Variants in PDCD6IP observed in about 807,000 individuals in gnomAD.
The protein encoded by PDCD6IP is programmed cell death 6-interacting protein.
A neutral mutation model predicts 103.7 loss-of-function variants in PDCD6IP; 43 were observed. The ratio of observed to expected loss-of-function variants is 0.41; its 90% CI spans 0.32 to 0.53. The LOEUF (loss-of-function observed/expected upper bound fraction) is 0.53. Among genes scored for constraint, PDCD6IP ranks in the 20% least tolerant of loss-of-function variants. PDCD6IP has a pLI of 0.16. For missense variants in PDCD6IP, 871 were observed against 1,036.7 expected, an observed-to-expected ratio of 0.84 and a Z score of 2.20; for synonymous variants, 354 against 378.7, an observed-to-expected ratio of 0.93 and a Z score of 0.76.
rs763450348 is a variant in PDCD6IP at position 33,842,066 on chromosome 3, C to G, written c.1351C>G (p.Leu451Val). The G allele has an allele frequency of 6.2e-7, 1 of 1,607,336 alleles. No homozygotes were observed. Among genetic ancestry groups the G allele is most frequent in the East Asian group, 2.2e-5 (1 of 44,824 alleles). ...ATTACTGCAACGAAATAGAGAAATC[C>G]TAGATGAGGTATGTTTTATAAGATT... is the stretch of plus-strand genomic sequence containing the variant. ...PELLQRNREI[L>V]DESLRLLDEE... The change falls in exon 10 of 18, where the codon CTA becomes GTA. Residue 451 changes from leucine to valine, a missense_variant. This residue lies in a region of PDCD6IP where 266 missense variants were observed against 390.5 expected (regional missense o/e 0.68). Coordinates refer to ENST00000307296, the MANE Select transcript of PDCD6IP (RefSeq NM_013374.6).
chr3:33,799,923 A>T (rs1227224281), intron 1 of PDCD6IP, among the ~76,000 whole-genome samples: 2 of 151,962 alleles, frequency 1.3e-5, no homozygotes, highest in Non-Finnish European at 2.9e-5. Context: ...GATCGACACC[A>T]TCCTGGCTAG....
chr3:33,840,788 T>C (rs1280208017), intron 9 of PDCD6IP, among the ~76,000 whole-genome samples: 1 of 152,186 alleles, frequency 6.6e-6, no homozygotes, highest in African/African-American at 2.4e-5. Context: ...ACATTTTGCC[T>C]AGATGATGTG....
chr3:33,828,917 C>G lies in PDCD6IP; in HGVS notation c.782C>G (p.Ser261Cys), dbSNP rs1361263637. 3 of 1,610,998 alleles carry G rather than the reference C, an allele frequency of 1.9e-6. No homozygotes were observed. Among genetic ancestry groups the G allele is most frequent in the South Asian group, 2.2e-5 (2 of 90,632 alleles). ...IMQANAEYHQ[S>C]ILAKQQKKFG... ...CAGGCCAATGCTGAGTACCATCAGT[C>G]TATCCTGGCAAAACAGCAGAAGAAA... The change falls in exon 7 of 18, where the codon TCT becomes TGT. Residue 261 changes from serine to cysteine, a missense_variant. Coordinates refer to ENST00000307296, the MANE Select transcript of PDCD6IP (RefSeq NM_013374.6).
intron 1 of PDCD6IP, among the ~76,000 whole-genome samples, chr3:33,801,850 A>T (rs1027397938): frequency 6.6e-6 from 1 of 152,148 alleles, no homozygotes; most frequent in African/African-American, 2.4e-5. Context: ...TTCTTTAGAG[A>T]GAAAGCTTCT....
chr3:33,826,255 G>C (rs1270804370), intron 5 of PDCD6IP, among the ~76,000 whole-genome samples: 3 of 151,994 alleles, frequency 2.0e-5, no homozygotes, highest in Non-Finnish European at 2.9e-5. Context: ...CATCATCCCA[G>C]AAAGAAGCCA....
intron 2 of PDCD6IP, among the ~76,000 whole-genome samples, chr3:33,812,787 G>T (rs1220042502): frequency 6.6e-6 from 1 of 152,042 alleles, no homozygotes; most frequent in African/African-American, 2.4e-5. Context: ...GTGGCTGGAG[G>T]CAGGGCAAAT....
At chr3:33,818,127 A>G (rs112940635) in intron 3 of PDCD6IP, among the ~76,000 whole-genome samples, 2,247 of 127,812 alleles carry the variant, frequency 0.018, 64 homozygotes, top group African/African-American at 0.07. Context: ...TTTTTGGAGA[A>G]CAGTCTTGCT....
At position 33,815,698 on chromosome 3, in the gene PDCD6IP, G is replaced by T. The variant is rs186286943; in HGVS notation, c.334+2070G>T. Reference sequence around the variant, plus strand: ...AGTCAGAAGGAAGAGTAAGAGTTGAGGCTTGACTCTGAGATTTAATAAGTT... The same window carrying T: ...AGTCAGAAGGAAGAGTAAGAGTTGATGCTTGACTCTGAGATTTAATAAGTT... On this transcript the variant is annotated intron_variant, in intron 3 of 17. Coordinates refer to ENST00000307296, the MANE Select transcript of PDCD6IP (RefSeq NM_013374.6). Among the ~76,000 whole-genome samples, 284 of 152,266 alleles carry T rather than the reference G, an allele frequency of 1.9e-3. 2 individuals carry two copies. The highest frequency in any genetic ancestry group is 6.3e-3 in the African/African-American group (261 of 41,548).
intron 8 of PDCD6IP, among the ~76,000 whole-genome samples, chr3:33,836,983 G>A (rs1207032782): frequency 2.0e-5 from 3 of 151,246 alleles, no homozygotes; most frequent in African/African-American, 4.9e-5. Context: ...GTGCAATGGT[G>A]CTGTCTCCCT....
At chr3:33,838,911 TCCTCCTGCCTCAG>T (rs779615017) in intron 9 of PDCD6IP, among the ~76,000 whole-genome samples, 15 of 152,014 alleles carry the variant, frequency 9.9e-5, no homozygotes, top group South Asian at 2.1e-4. Flanking sequence ...GCTCAGGTGA[TCCTCCTGCCTCAG>T]CCTCCTGTGT....
intron 2 of PDCD6IP, among the ~76,000 whole-genome samples, chr3:33,812,653 A>T (rs542949908): frequency 6.6e-6 from 1 of 152,352 alleles, no homozygotes. Flanking sequence ...AAAATTAGTG[A>T]TACTTTTAAA....
intron 1 of PDCD6IP, among the ~76,000 whole-genome samples, chr3:33,799,937 G>A (rs1696433524): frequency 6.6e-6 from 1 of 151,834 alleles, no homozygotes; most frequent in African/African-American, 2.4e-5. Flanking sequence ...TGGCTAGCAC[G>A]GTGAAACCCC....
At chr3:33,853,791 T>G (rs1016947351) in intron 13 of PDCD6IP, 88 bp from the exon 14 acceptor site, 116 of 1,117,180 alleles carry the variant, frequency 1.0e-4, no homozygotes, top group Admixed American at 3.7e-4. Context: ...ACATATGATT[T>G]TCATAATTGG....
In PDCD6IP at chr3:33,836,119, A is replaced by G; in HGVS notation, c.910A>G (p.Ile304Val). 6.2e-7 allele frequency: 1 copy of G among 1,612,658 alleles called. No individual in the cohort carries two copies. ...YVNVKDFSDK[I>V]NRALAAAKKD... ...TAATGTGAAGGATTTTTCTGACAAAATCAATCGTGCCCTTGCTGCAGCAAA... is the reference window on the plus strand; with the variant it reads ...TAATGTGAAGGATTTTTCTGACAAAGTCAATCGTGCCCTTGCTGCAGCAAA... Residue 304 changes from isoleucine (I) to valine (V), a missense_variant, in exon 8 of 18, where the codon ATC becomes GTC. Transcript: ENST00000307296.
chr3:33,810,913 T>G (rs1007665206), intron 1 of PDCD6IP: 5 of 159,412 alleles, frequency 3.1e-5, no homozygotes, highest in Non-Finnish European at 6.9e-5. Context: ...TTTTTTTTTT[T>G]GAGACAGGTT....
chr3:33,819,760 A>G (rs1249217014), intron 3 of PDCD6IP, among the ~76,000 whole-genome samples: 3 of 152,254 alleles, frequency 2.0e-5, no homozygotes, highest in Admixed American at 1.3e-4. Flanking sequence ...AATGCCTTGC[A>G]CATTATGCAA....
At chr3:33,824,289 G>C (rs556915288) in intron 4 of PDCD6IP, among the ~76,000 whole-genome samples, 1 of 142,236 alleles carries the variant, frequency 7.0e-6, no homozygotes, top group Non-Finnish European at 1.5e-5. Context: ...ATGGAGTCTC[G>C]CTCTGTTGCC....
rs148974460 is a variant in PDCD6IP, at chr3:33,820,213, G to A, written c.335-1742G>A. 1.7e-3 allele frequency among the ~76,000 whole-genome samples: 264 copies of A among 152,318 alleles called. 1 individual carries two copies. The highest frequency in any genetic ancestry group is 5.8e-3 in the African/African-American group (240 of 41,564). Reference sequence around the variant, plus strand: ...GCAGGAGGATTGATTGAGTCCAAGAGGTAGAGGCTGCAATGGGTGTGATTG... The same window carrying A: ...GCAGGAGGATTGATTGAGTCCAAGAAGTAGAGGCTGCAATGGGTGTGATTG... On this transcript the variant is annotated intron_variant, in intron 3 of 17. Transcript: ENST00000307296.
chr3:33,846,244 A>G (rs1697589597), intron 12 of PDCD6IP, among the ~76,000 whole-genome samples: 1 of 152,238 alleles, frequency 6.6e-6, no homozygotes, highest in African/African-American at 2.4e-5. Context: ...AAACTTCTTG[A>G]AAAAAGTGAA....
Sources: gnomAD v4.1 joint callset for allele counts (sites outside exome capture counted in the v4.1 genomes callset) on GRCh38, gnomAD v4.1.1 for gene constraint, gnomAD v4.1.1 regional missense constraint, MANE v1.5 for transcripts, NCBI Gene and HGNC (gene_info 2026-07-23, HGNC 2026-07-21) for gene names.